Variants in APP observed in about 807,000 individuals in gnomAD.
The protein encoded by APP is amyloid-beta precursor protein.
In APP, 31 loss-of-function variants were observed where a neutral mutation model predicts 101.4. That is an observed-to-expected ratio of 0.31 (90% CI 0.23 to 0.41). The LOEUF (loss-of-function observed/expected upper bound fraction) is 0.41. Among genes scored for constraint, APP ranks in the 10% least tolerant of loss-of-function variants. The probability of loss-of-function intolerance (pLI) is 1.00; values close to 1 mark genes in which losing one functional copy is unlikely to be tolerated. For synonymous variants in APP, 366 were observed against 364.4 expected, an observed-to-expected ratio of 1.00 and a Z score of -0.05; for missense variants, 839 against 1,003.7, an observed-to-expected ratio of 0.84 and a Z score of 2.22.
intron 10 of APP, among the ~76,000 whole-genome samples, chr21:25,975,578 A>G (rs2042195547): frequency 6.6e-6 from 1 of 152,158 alleles, no homozygotes; most frequent in Admixed American, 6.5e-5. Flanking sequence ...CAAGTAATTG[A>G]CCATAATAAA....
intron 6 of APP, 107 bp downstream of exon 6, chr21:26,021,733 T>G: frequency 6.9e-7 from 1 of 1,454,130 alleles, no homozygotes; most frequent in Non-Finnish European, 9.2e-7. Flanking sequence ...AAAAAAAACA[T>G]GTTTTTGATT....
intron 4 of APP, among the ~76,000 whole-genome samples, chr21:26,052,932 C>T (rs966708219): frequency 6.6e-6 from 1 of 152,128 alleles, no homozygotes; most frequent in Non-Finnish European, 1.5e-5. Flanking sequence ...CGAAACACGG[C>T]ACAGGCACAT....
chr21:26,042,239 T>C (rs759914480), intron 5 of APP, among the ~76,000 whole-genome samples: 10 of 152,244 alleles, frequency 6.6e-5, no homozygotes, highest in Middle Eastern at 6.8e-3. Flanking sequence ...TAAAAAGATA[T>C]ATAGTCAAAT....
At chr21:26,131,448 G>C (rs1046442325) in intron 1 of APP, among the ~76,000 whole-genome samples, 2 of 152,152 alleles carry the variant, frequency 1.3e-5, no homozygotes, top group South Asian at 2.1e-4. Flanking sequence ...CACTCAGTCA[G>C]TCACTCATAT....
intron 3 of APP, among the ~76,000 whole-genome samples, chr21:26,060,227 C>T (rs1341265535): frequency 6.6e-6 from 1 of 152,182 alleles, no homozygotes; most frequent in African/African-American, 2.4e-5. Flanking sequence ...ACCATCACCA[C>T]CTACTTGTAG....
chr21:25,985,921 T>C (rs2042618982), intron 8 of APP, among the ~76,000 whole-genome samples: 2 of 152,176 alleles, frequency 1.3e-5, no homozygotes, highest in Non-Finnish European at 2.9e-5. Context: ...CAGAGAAGGA[T>C]AGCATATGCT....
intron 5 of APP, among the ~76,000 whole-genome samples, chr21:26,029,013 A>ATGGCT (rs1173021622): frequency 6.6e-6 from 1 of 152,092 alleles, no homozygotes; most frequent in Non-Finnish European, 1.5e-5. Flanking sequence ...AAACCAAGAG[A>ATGGCT]GTGCATGGAT....
chr21:25,994,289 T>A (rs1214355876), intron 8 of APP, among the ~76,000 whole-genome samples: 1 of 152,180 alleles, frequency 6.6e-6, no homozygotes, highest in Non-Finnish European at 1.5e-5. Flanking sequence ...TGTCAGAAAT[T>A]AACTCAGCTC....
At chr21:25,905,344 C>T (rs2038734441) in intron 14 of APP, among the ~76,000 whole-genome samples, 1 of 152,112 alleles carries the variant, frequency 6.6e-6, no homozygotes, top group African/African-American at 2.4e-5. Context: ...GCAGCAACAT[C>T]AAAGAAGAGG....
intron 3 of APP, among the ~76,000 whole-genome samples, chr21:26,056,844 T>G (rs551742989): frequency 6.6e-6 from 1 of 152,348 alleles, no homozygotes; most frequent in Admixed American, 6.5e-5. Context: ...TGGACAGCAC[T>G]GCTTACATTA....
intron 1 of APP, among the ~76,000 whole-genome samples, chr21:26,140,778 T>C: frequency 6.6e-6 from 1 of 152,248 alleles, no homozygotes; most frequent in Non-Finnish European, 1.5e-5. Flanking sequence ...CTAGTGTTAA[T>C]TCATAGACTC....
chr21:25,908,480 A>ATG (rs141633681), intron 14 of APP, among the ~76,000 whole-genome samples: 162 of 151,956 alleles, frequency 1.1e-3, no homozygotes, highest in African/African-American at 3.5e-3. Context: ...AGTTGGGTGT[A>ATG]TGTGTGTGTG....
chr21:25,897,598 C>T lies in APP; in HGVS notation c.2039G>A (p.Gly680Glu), dbSNP rs148754993. ...CAATTTTTGATGATGAACTTCATAT[C>T]CTGAGTCATGTCGGAATTCTGCATC... ...KMDAEFRHDS[G>E]YEVHHQKLVF... is the part of the protein sequence containing the mutation. The change falls in exon 16 of 18, where the codon GGA (glycine) becomes GAA (glutamate). Residue 680 changes from glycine to glutamate, a missense_variant. Gly to Glu is a moderately conservative substitution (Grantham distance 98). Coordinates refer to ENST00000346798, the MANE Select transcript of APP (RefSeq NM_000484.4). The T allele has an allele frequency of 6.2e-7, 1 of 1,613,846 alleles. No homozygotes were observed. Among genetic ancestry groups the T allele is most frequent in the Non-Finnish European group, 8.5e-7 (1 of 1,179,776 alleles).
chr21:26,002,489 T>C (rs1026874116), intron 6 of APP, among the ~76,000 whole-genome samples: 1 of 106,334 alleles, frequency 9.4e-6, no homozygotes, highest in Non-Finnish European at 2.1e-5. Flanking sequence ...CTGTATCTCC[T>C]TCACCAATGT....
At chr21:26,112,728 G>A (rs540313393) in intron 1 of APP, among the ~76,000 whole-genome samples, 1 of 152,128 alleles carries the variant, frequency 6.6e-6, no homozygotes, top group African/African-American at 2.4e-5. Flanking sequence ...ATCCCTCCTG[G>A]TTTCCCCCAG....
chr21:26,151,926 A>G (rs1351440934), intron 1 of APP, among the ~76,000 whole-genome samples: 1 of 152,056 alleles, frequency 6.6e-6, no homozygotes, highest in East Asian at 1.9e-4. Context: ...TTGGCAAACA[A>G]TCCCTCTCTA....
In APP at chr21:26,021,877, G is replaced by T. The variant is rs777163427; in HGVS notation, c.828C>A (p.Thr276=). The stretch of plus-strand genomic sequence containing the variant: ...CTTCCACAGACTCTGTGGTGGTGGT[G>T]GTGGTGGTGGCAATGCTGGTGGTTC... ...TERTTSIATT[T]TTTTESVEEV... Residue 276 remains threonine (T), a synonymous_variant, in exon 6 of 18, where the codon ACC becomes ACA. Transcript: ENST00000346798. The T allele has an allele frequency of 4.3e-6, 7 of 1,613,720 alleles. No individual in the cohort carries two copies. Among genetic ancestry groups the T allele is most frequent in the Non-Finnish European group, 5.9e-6 (7 of 1,179,960 alleles).
At chr21:25,962,999 G>C (rs111291625) in intron 11 of APP, among the ~76,000 whole-genome samples, 74 of 152,112 alleles carry the variant, frequency 4.9e-4, no homozygotes, top group African/African-American at 1.6e-3. Context: ...ATTTTTAGTA[G>C]AGAAGGGTTT....
At chr21:25,969,347 CAAAAAA>C (rs60834302) in intron 11 of APP, among the ~76,000 whole-genome samples, 100 of 55,676 alleles carry the variant, frequency 1.8e-3, no homozygotes, top group African/African-American at 4.9e-3. Flanking sequence ...GACTCTGTCT[CAAAAAA>C]AAAAAAAAAA....
Sources: allele counts gnomAD v4.1 joint callset (sites outside exome capture counted in the v4.1 genomes callset), GRCh38; gene constraint gnomAD v4.1.1; transcripts MANE v1.5; gene names NCBI Gene and HGNC (gene_info 2026-07-23, HGNC 2026-07-21).